DYNC2H1: variants seen among roughly 807,000 people sequenced by gnomAD.
DYNC2H1 encodes dynein cytoplasmic 2 heavy chain 1, also known as cytoplasmic dynein 2 heavy chain 1.
DYNC2H1 carries 410 observed loss-of-function variants against 570.0 expected under a neutral mutation model. The ratio of observed to expected loss-of-function variants is 0.72; its 90% confidence interval spans 0.66 to 0.78. DYNC2H1 has a LOEUF of 0.78. DYNC2H1 is among the 30% of genes least tolerant of loss of function. The probability of loss-of-function intolerance (pLI) is 0.00; values close to 1 mark genes in which losing one functional copy is unlikely to be tolerated. For synonymous variants in DYNC2H1, 1,688 were observed against 1,677.6 expected, an observed-to-expected ratio of 1.01 and a Z score of -0.15; for missense variants, 4,865 against 5,046.4, an observed-to-expected ratio of 0.96 and a Z score of 1.09.
At chr11:103,403,154 A>G (rs917234464) in intron 84 of DYNC2H1, 8 of 152,074 alleles carry the variant, frequency 5.3e-5, no homozygotes, top group Non-Finnish European at 1.2e-4. Flanking sequence ...GACTAATTAG[A>G]TGATTGGAGG....
Position 103,176,284 on chromosome 11 carries a change from A to G in DYNC2H1, c.5724A>G (p.Ser1908=), listed in dbSNP as rs1040794939. The change falls in exon 37 of 89, where the codon TCA becomes TCG. Residue 1908 remains serine, a synonymous_variant. Transcript: ENST00000375735. ...AAGCACTGAGGCTTAATACCATGTC[A>G]AAGTTTACGTTTACTGATTGCACCC... The part of the protein sequence containing the change: ...VVQALRLNTM[S]KFTFTDCTRF... 1.3e-6 allele frequency: 2 copies of G among 1,545,038 alleles called. No individual in the cohort carries two copies. Among genetic ancestry groups the G allele is most frequent in the African/African-American group, 1.4e-5 (1 of 72,618 alleles).
At chr11:103,246,925 G>A (rs569714099) in intron 65 of DYNC2H1, among the ~76,000 whole-genome samples, 62 of 151,540 alleles carry the variant, frequency 4.1e-4, no homozygotes, top group African/African-American at 1.3e-3. Flanking sequence ...ATTTATGCTC[G>A]TCAAAAATCT....
intron 85 of DYNC2H1, among the ~76,000 whole-genome samples, chr11:103,451,619 C>T (rs1028297162): frequency 2.0e-5 from 3 of 152,112 alleles, no homozygotes; most frequent in Non-Finnish European, 4.4e-5. Context: ...GCATGAGCCA[C>T]GGTGCCCAGC....
intron 18 of DYNC2H1, among the ~76,000 whole-genome samples, chr11:103,144,480 G>C (rs1293767022): frequency 6.6e-6 from 1 of 152,170 alleles, no homozygotes; most frequent in Non-Finnish European, 1.5e-5. Context: ...TCTTTGTTAG[G>C]ATAGTAACAC....
At chr11:103,242,362 C>G (rs1384217383) in intron 63 of DYNC2H1, among the ~76,000 whole-genome samples, 1 of 152,064 alleles carries the variant, frequency 6.6e-6, no homozygotes, top group Non-Finnish European at 1.5e-5. Context: ...GTTTTTCTTT[C>G]TGCCTGTCAG....
chr11:103,218,859 C>T (rs955503120), intron 55 of DYNC2H1, among the ~76,000 whole-genome samples: 4 of 152,130 alleles, frequency 2.6e-5, no homozygotes, highest in African/African-American at 9.7e-5. Flanking sequence ...GCAGATATTT[C>T]TGTTTGGTAT....
rs1419824758 is a variant in DYNC2H1 at position 103,170,156 on chromosome 11, T to C, written c.5017T>C (p.Leu1673=). 6.2e-7 allele frequency: 1 copy of C among 1,613,176 alleles called. No individual in the cohort carries two copies. Among genetic ancestry groups the C allele is most frequent in the Non-Finnish European group, 8.5e-7 (1 of 1,179,476 alleles). Residue 1673 remains leucine (L), a synonymous_variant, in exon 33 of 89, where the codon TTA becomes CTA. Coordinates refer to ENST00000375735, the MANE Select transcript of DYNC2H1 (RefSeq NM_001377.3). This position sits in a 1 kb window ranked among gnomAD's most constrained non-coding sequence, Gnocchi z 4.8. ...VYTPLTDKCY[L]TLTQAMKMGL... ...TACTCCACTGACAGACAAGTGCTACTTAACTCTCACTCAAGCCATGAAGAT... is the reference window on the plus strand; with the variant it reads ...TACTCCACTGACAGACAAGTGCTACCTAACTCTCACTCAAGCCATGAAGAT...
chr11:103,427,735 G>A (rs1943724119), intron 84 of DYNC2H1, among the ~76,000 whole-genome samples: 1 of 151,996 alleles, frequency 6.6e-6, no homozygotes, highest in African/African-American at 2.4e-5. Flanking sequence ...CACCACGAGG[G>A]GCTGCTCCAT....
chr11:103,363,079 A>C lies in DYNC2H1; in HGVS notation c.12156+4720A>C, dbSNP rs1380788813. 3.3e-5 allele frequency among the ~76,000 whole-genome samples: 5 copies of C among 151,974 alleles called. No homozygotes were observed. Among genetic ancestry groups the C allele is most frequent in the Admixed American group, 3.3e-4 (5 of 15,256 alleles). On this transcript the variant is annotated intron_variant, in intron 83 of 88. Transcript: ENST00000375735. The surrounding 1 kb of genome is among the most constrained non-coding windows in gnomAD (Gnocchi z 5.6). ...TATAATATAATATAACAGGCATTTC[A>C]TTTAAGTATACTGACAGCTGGTCTA...
At chr11:103,165,822 G>A in intron 30 of DYNC2H1, 76 bp from the exon 31 acceptor site, 2 of 1,226,548 alleles carry the variant, frequency 1.6e-6, no homozygotes, top group Admixed American at 3.4e-5. Flanking sequence ...TTGAAAAAAG[G>A]TGCCTTTCTT....
At chr11:103,188,391 A>G in intron 43 of DYNC2H1, 106 bp from the exon 44 acceptor site, 1 of 790,396 alleles carries the variant, frequency 1.3e-6, no homozygotes, top group Non-Finnish European at 1.9e-6. Context: ...AGTTAGATAG[A>G]TGATGATTGC....
At chr11:103,143,480 A>T in intron 18 of DYNC2H1, 85 bp downstream of exon 18, 1 of 1,340,788 alleles carries the variant, frequency 7.5e-7, no homozygotes, top group East Asian at 2.5e-5. Flanking sequence ...GTGGCATTGA[A>T]GTCACATCAG....
At chr11:103,330,265 C>T (rs1938709242) in intron 82 of DYNC2H1, among the ~76,000 whole-genome samples, 1 of 151,332 alleles carries the variant, frequency 6.6e-6, no homozygotes, top group South Asian at 2.1e-4. Context: ...CATTTCATTG[C>T]TGAAGAAAAA....
chr11:103,143,728 G>T (rs781278629), intron 18 of DYNC2H1, among the ~76,000 whole-genome samples: 20 of 152,074 alleles, frequency 1.3e-4, no homozygotes, highest in Non-Finnish European at 2.4e-4. Flanking sequence ...ACAATATAAA[G>T]CTAGTGACAT....
chr11:103,138,373 A>G (rs1324740702), intron 17 of DYNC2H1, among the ~76,000 whole-genome samples: 1 of 152,136 alleles, frequency 6.6e-6, no homozygotes, highest in Non-Finnish European at 1.5e-5. Context: ...TTTGTCATAG[A>G]TAGCTCTTAT....
intron 87 of DYNC2H1, among the ~76,000 whole-genome samples, chr11:103,459,969 G>A (rs313865): frequency 0.51 from 62,294 of 122,660 alleles, 16,087 homozygotes; most frequent in African/African-American, 0.71. Flanking sequence ...AAAAAAAAAA[G>A]AAAAAAAAAA....
chr11:103,351,493 T>C (rs1034018661), intron 82 of DYNC2H1, among the ~76,000 whole-genome samples: 1 of 152,178 alleles, frequency 6.6e-6, no homozygotes, highest in Non-Finnish European at 1.5e-5. Flanking sequence ...GCTATTATTA[T>C]AACAATCTCC....
intron 80 of DYNC2H1, among the ~76,000 whole-genome samples, chr11:103,317,767 A>C (rs1157776822): frequency 1.3e-5 from 2 of 152,070 alleles, no homozygotes; most frequent in Non-Finnish European, 2.9e-5. Context: ...TTGAGAAGAG[A>C]ATTGCTTCTG....
intron 84 of DYNC2H1, among the ~76,000 whole-genome samples, chr11:103,424,251 A>G (rs1196524488): frequency 3.6e-5 from 4 of 112,482 alleles, no homozygotes; most frequent in Non-Finnish European, 6.8e-5. Flanking sequence ...TATATTAATT[A>G]TATATCAGTA....
Sources: allele counts gnomAD v4.1 joint callset (sites outside exome capture counted in the v4.1 genomes callset), GRCh38; gene constraint gnomAD v4.1.1; non-coding constraint Gnocchi (gnomAD v3.1); transcripts MANE v1.5; gene names NCBI Gene and HGNC (gene_info 2026-07-23, HGNC 2026-07-21).